ZC3H8: variants seen among roughly 807,000 people sequenced by gnomAD.
ZC3H8 encodes zinc finger CCCH domain-containing protein 8.
Under a neutral mutation model 42.5 loss-of-function variants are expected in ZC3H8, and 27 were observed. That is an observed-to-expected ratio of 0.64 (90% CI 0.47 to 0.88). The LOEUF (loss-of-function observed/expected upper bound fraction) is 0.88, where lower values mean the gene tolerates loss of function less well. ZC3H8 is among the 40% of genes least tolerant of loss of function. The probability of loss-of-function intolerance (pLI) is 0.00; values close to 1 mark genes in which losing one functional copy is unlikely to be tolerated. For synonymous variants in ZC3H8, 101 were observed against 110.1 expected, an observed-to-expected ratio of 0.92 and a Z score of 0.52; for missense variants, 277 against 336.1, an observed-to-expected ratio of 0.82 and a Z score of 1.37.
At chr2:112,229,015 G>A (rs535907835) in intron 8 of ZC3H8, among the ~76,000 whole-genome samples, 5 of 152,216 alleles carry the variant, frequency 3.3e-5, no homozygotes, top group African/African-American at 1.2e-4. Flanking sequence ...CACTCCTACT[G>A]GAAAAGCTAT....
In ZC3H8 at chr2:112,238,506, G is replaced by A; in HGVS notation, c.179C>T (p.Pro60Leu). The change falls in exon 3 of 9, where the codon CCA (proline) becomes CTA (leucine). Residue 60 changes from proline to leucine, a missense_variant. Physicochemically the swap from Pro to Leu is moderately conservative, Grantham distance 98. Coordinates refer to ENST00000409573, the MANE Select transcript of ZC3H8 (RefSeq NM_032494.3). ...PKKFRHSAIS[P>L]KSSLHRKSRS... is the part of the protein sequence containing the mutation. ...TGATTTTCTATGCAGCGAACTTTTT[G>A]GTGATATTGCAGAGTGTCTAAACTA... The A allele has an allele frequency of 1.2e-6, 2 of 1,610,672 alleles. No individual in the cohort carries two copies. Among genetic ancestry groups the A allele is most frequent in the Non-Finnish European group, 1.7e-6 (2 of 1,179,560 alleles).
At chr2:112,238,033 C>T (rs1240519562) in intron 3 of ZC3H8, among the ~76,000 whole-genome samples, 1 of 152,176 alleles carries the variant, frequency 6.6e-6, no homozygotes, top group Non-Finnish European at 1.5e-5. Context: ...TTCACACATG[C>T]AGAGGCCAGG....
chr2:112,237,002 A>G (rs560361973), intron 3 of ZC3H8, among the ~76,000 whole-genome samples: 1 of 152,360 alleles, frequency 6.6e-6, no homozygotes, highest in South Asian at 2.1e-4. Flanking sequence ...TCAAGGTTAC[A>G]GTGAGCTATG....
Position 112,254,944 on chromosome 2 carries a change from G to A in ZC3H8, c.38C>T (p.Pro13Leu). The part of the protein sequence containing the change: ...FENLFSKPPN[P>L]ALGKTATDSD... ...GTCCGTGGCCGTTTTGCCGAGGGCCGGGTTGGGGGGTTTTGAGAAAAGATT... is the reference window on the plus strand; with the variant it reads ...GTCCGTGGCCGTTTTGCCGAGGGCCAGGTTGGGGGGTTTTGAGAAAAGATT... The change falls in exon 1 of 9, where the codon CCG becomes CTG. Residue 13 changes from proline (P) to leucine (L), a missense_variant. By Grantham distance (98) the Pro-to-Leu change is moderately conservative. Transcript: ENST00000409573. 7 of 1,613,262 alleles carry A rather than the reference G, an allele frequency of 4.3e-6. No homozygotes were observed. Among genetic ancestry groups the A allele is most frequent in the African/African-American group, 1.3e-5 (1 of 75,048 alleles).
At chr2:112,235,884 T>C (rs1406839783) in intron 4 of ZC3H8, among the ~76,000 whole-genome samples, 1 of 151,604 alleles carries the variant, frequency 6.6e-6, no homozygotes, top group Admixed American at 6.6e-5. Flanking sequence ...CTCATGACTA[T>C]TTGATCTTCT....
intron 8 of ZC3H8, among the ~76,000 whole-genome samples, chr2:112,225,127 G>C (rs1341566586): frequency 6.6e-6 from 1 of 152,038 alleles, no homozygotes; most frequent in African/African-American, 2.4e-5. Flanking sequence ...TATTGATCTT[G>C]TTTCCTGAGA....
At chr2:112,223,294 A>G (rs1279897511) in intron 8 of ZC3H8, among the ~76,000 whole-genome samples, 1 of 152,222 alleles carries the variant, frequency 6.6e-6, no homozygotes, top group African/African-American at 2.4e-5. Flanking sequence ...ATATTTAAAG[A>G]AGGAATAATA....
At chr2:112,224,120 G>A (rs1684712277) in intron 8 of ZC3H8, among the ~76,000 whole-genome samples, 1 of 152,124 alleles carries the variant, frequency 6.6e-6, no homozygotes, top group Non-Finnish European at 1.5e-5. Context: ...TCCAGCTTAG[G>A]TGACAGAGTG....
rs1286821432 is a variant in ZC3H8 at position 112,250,116 on chromosome 2, T to G, written c.156+75A>C. On this transcript the variant is annotated intron_variant, in intron 2 of 8. Transcript: ENST00000409573. Reference sequence around the variant, plus strand: ...TATCCATTTCCATCTGTTTTTTCTTTTTTTGTTGTTCCATGTGAAACTGAG... The same window carrying G: ...TATCCATTTCCATCTGTTTTTTCTTGTTTTGTTGTTCCATGTGAAACTGAG... The G allele has an allele frequency of 1.4e-5, 16 of 1,126,500 alleles. No individual in the cohort carries two copies. In the South Asian group the frequency reaches 2.5e-4, roughly 18 times the overall value. The allele number at this position is 1,126,500 out of a possible 1,614,324, so 69.8% of individuals were successfully genotyped here.
At chr2:112,247,134 C>G (rs970828081) in intron 2 of ZC3H8, among the ~76,000 whole-genome samples, 1 of 152,158 alleles carries the variant, frequency 6.6e-6, no homozygotes, top group Non-Finnish European at 1.5e-5. Context: ...ATAAATGTAA[C>G]TTTTATATGC....
chr2:112,229,774 T>A (rs1013601377), intron 8 of ZC3H8, among the ~76,000 whole-genome samples: 8 of 151,876 alleles, frequency 5.3e-5, no homozygotes, highest in African/African-American at 1.9e-4. Context: ...CAATTCCCAA[T>A]GGATTAAAAT....
At chr2:112,237,570 A>G (rs1685392795) in intron 3 of ZC3H8, among the ~76,000 whole-genome samples, 1 of 141,796 alleles carries the variant, frequency 7.1e-6, no homozygotes, top group Non-Finnish European at 1.6e-5. Flanking sequence ...TGACAGCATT[A>G]AAATTTTAAT....
chr2:112,224,241 G>A (rs1373451180), intron 8 of ZC3H8, among the ~76,000 whole-genome samples: 1 of 152,138 alleles, frequency 6.6e-6, no homozygotes, highest in Non-Finnish European at 1.5e-5. Flanking sequence ...GGGTGGTTTA[G>A]TATTTTTAAA....
intron 4 of ZC3H8, among the ~76,000 whole-genome samples, chr2:112,234,936 T>C (rs1225620715): frequency 6.6e-6 from 1 of 152,148 alleles, no homozygotes; most frequent in Non-Finnish European, 1.5e-5. Flanking sequence ...ATCTATAGTT[T>C]CAATGAGATG....
chr2:112,216,704 T>C (rs1342960950), intron 8 of ZC3H8, among the ~76,000 whole-genome samples: 2 of 125,146 alleles, frequency 1.6e-5, no homozygotes, highest in Admixed American at 1.5e-4. Flanking sequence ...AAAATACAAA[T>C]AATGAGACAA....
At position 112,216,348 on chromosome 2, in the gene ZC3H8, A is replaced by T. The variant is rs1157215777; in HGVS notation, c.*136T>A. The T allele has an allele frequency of 2.6e-5, 4 of 152,344 alleles. No homozygotes were observed. The highest frequency in any genetic ancestry group is 2.6e-4 in the Admixed American group (4 of 15,278). The allele number at this position is 152,344 out of a possible 1,614,324, so 9.4% of individuals were successfully genotyped here. ...CCATCCATTATGGAAGCTGCACATC[A>T]CCCCAGTCACACAAGAGGGCACTCT... On this transcript the variant is annotated 3_prime_UTR_variant, in exon 9 of 9. Transcript: ENST00000409573.
At chr2:112,235,317 A>G (rs1685272480) in intron 4 of ZC3H8, among the ~76,000 whole-genome samples, 1 of 152,204 alleles carries the variant, frequency 6.6e-6, no homozygotes, top group Non-Finnish European at 1.5e-5. Context: ...ATTAAATTCT[A>G]TATATATGTT....
chr2:112,218,210 A>G (rs1325894510), intron 8 of ZC3H8, among the ~76,000 whole-genome samples: 1 of 152,258 alleles, frequency 6.6e-6, no homozygotes, highest in East Asian at 1.9e-4. Context: ...AAAAGACTGT[A>G]TATGAGGTTT....
intron 8 of ZC3H8, among the ~76,000 whole-genome samples, chr2:112,220,691 C>T (rs905349218): frequency 3.9e-5 from 6 of 152,146 alleles, no homozygotes; most frequent in Admixed American, 6.5e-5. Context: ...CATGGTGGTG[C>T]GTGCCTGTAA....
Sources: allele counts gnomAD v4.1 joint callset (sites outside exome capture counted in the v4.1 genomes callset), GRCh38; gene constraint gnomAD v4.1.1; transcripts MANE v1.5; gene names NCBI Gene and HGNC (gene_info 2026-07-23, HGNC 2026-07-21).